The following ABCA4 variants were observed in gnomAD, a reference collection of about 807,000 sequenced individuals.
The protein encoded by ABCA4 is retinal-specific phospholipid-transporting ATPase ABCA4.
ABCA4 carries 196 observed loss-of-function variants against 263.7 expected under a neutral mutation model. That is an observed-to-expected ratio of 0.74 (90% CI 0.66 to 0.84). The LOEUF is 0.84. Among genes scored for constraint, ABCA4 ranks in the 40% least tolerant of loss-of-function variants. ABCA4 has a pLI of 0.00. For synonymous variants in ABCA4, 1,133 were observed against 1,094.2 expected (o/e 1.04, Z -0.70); for missense variants, 2,792 against 2,855.1 (o/e 0.98, Z 0.50).
chr1:94,096,560 T>C, intron 6 of ABCA4, among the ~76,000 whole-genome samples: 1 of 152,062 alleles, frequency 6.6e-6, no homozygotes, highest in East Asian at 1.9e-4. Flanking sequence ...CAGGTCAAGG[T>C]AGCCCAGGGT....
intron 19 of ABCA4, among the ~76,000 whole-genome samples, chr1:94,044,990 G>A (rs903919878): frequency 8.5e-5 from 13 of 152,208 alleles, no homozygotes; most frequent in African/African-American, 2.7e-4. Flanking sequence ...CCAGGCCAAC[G>A]CCGAGGGCCT....
At chr1:94,055,064 G>T in intron 16 of ABCA4, 47 bp downstream of exon 16, 2 of 1,524,254 alleles carry the variant, frequency 1.3e-6, no homozygotes, top group Non-Finnish European at 1.8e-6. Flanking sequence ...GAGGGCTGGG[G>T]ATCTGAAGAA....
In ABCA4 at chr1:94,021,375, A is replaced by G. The variant is rs1557768562; in HGVS notation, c.4883T>C (p.Val1628Ala). 6.2e-7 allele frequency: 1 copy of G among 1,614,214 alleles called. No homozygotes were observed. Among genetic ancestry groups the G allele is most frequent in the Non-Finnish European group, 8.5e-7 (1 of 1,180,048 alleles). The change falls in exon 35 of 50, where the codon GTC (valine) becomes GCC (alanine). Residue 1628 changes from valine (V) to alanine (A), a missense_variant. By Grantham distance (64) the Val-to-Ala change is moderately conservative. Transcript: ENST00000370225. ...WFNNKGWHAL[V>A]SFLNVAHNAI... ...GTTGTGGGCCACATTGAGAAAGCTGACCAGGGCATGCCAGCCTTTGTTATT... is the reference window on the plus strand; with the variant it reads ...GTTGTGGGCCACATTGAGAAAGCTGGCCAGGGCATGCCAGCCTTTGTTATT...
In ABCA4 at chr1:94,030,445, C is replaced by T. The variant is rs1251812796; in HGVS notation, c.4335G>A (p.Leu1445=). ...GCACTTACGGAAGCCACCCTTCCTT[C>T]AGGCAGCGGTTGCCAAAGCCTGGCT... is the stretch of plus-strand genomic sequence containing the variant. The part of the protein sequence containing the change: ...LNKPGFGNRC[L]KEGWLPEYPC... The change falls in exon 29 of 50, where the codon CTG becomes CTA. Residue 1445 remains leucine, a synonymous_variant. Transcript: ENST00000370225. The T allele has an allele frequency of 3.1e-6, 5 of 1,614,122 alleles. No individual in the cohort carries two copies. The South Asian group carries it at 4.4e-5, about 14-fold the overall frequency.
rs1176230117 is a variant in ABCA4, at chr1:94,015,721, A to G, written c.5312+18T>C. The G allele has an allele frequency of 2.5e-6, 4 of 1,602,386 alleles. No individual in the cohort carries two copies. Among genetic ancestry groups the G allele is most frequent in the Non-Finnish European group, 3.4e-6 (4 of 1,170,062 alleles). ...GGCTTCTCTTCAGAGGCATTAGCTA[A>G]TGGCCCAAACGGCTTACCCATACAG... On this transcript the variant is annotated intron_variant, in intron 37 of 49. Coordinates refer to ENST00000370225, the MANE Select transcript of ABCA4 (RefSeq NM_000350.3).
intron 1 of ABCA4, among the ~76,000 whole-genome samples, chr1:94,119,639 T>C (rs1179369313): frequency 6.6e-6 from 1 of 152,144 alleles, no homozygotes; most frequent in Non-Finnish European, 1.5e-5. Context: ...GTCTTAATAA[T>C]TCCTGTCTCT....
rs61749438 is a variant in ABCA4 at position 94,055,133 on chromosome 1, C to A, written c.2565G>T (p.Trp855Cys). The A allele has an allele frequency of 6.2e-7, 1 of 1,614,078 alleles. No homozygotes were observed. Among genetic ancestry groups the A allele is most frequent in the South Asian group, 1.1e-5 (1 of 91,070 alleles). The change falls in exon 16 of 50, where the codon TGG becomes TGT. Residue 855 changes from tryptophan to cysteine, a missense_variant. Trp to Cys is a radical substitution (Grantham distance 215). Transcript: ENST00000370225. ...LDAAVYGLLA[W>C]YLDQVFPGDY... is the part of the protein sequence containing the mutation. ...TACCTGGAAACACCTGATCAAGGTA[C>A]CAAGCGAGTAAGCCATAGACAGCAG...
chr1:94,036,683 G>A, intron 26 of ABCA4, 57 bp downstream of exon 26: 1 of 1,576,018 alleles, frequency 6.3e-7, no homozygotes, highest in Non-Finnish European at 8.7e-7. Context: ...AGACTTTCGA[G>A]ATGGAACTTG....
intron 45 of ABCA4, 123 bp from the exon 46 acceptor site, chr1:94,001,228 T>A (rs540481757): frequency 1.2e-4 from 93 of 752,568 alleles, no homozygotes; most frequent in African/African-American, 9.1e-4. Context: ...GTCACTCCCC[T>A]CACTTGAGCA....
At chr1:94,114,622 G>A (rs1302860125) in intron 1 of ABCA4, among the ~76,000 whole-genome samples, 1 of 152,150 alleles carries the variant, frequency 6.6e-6, no homozygotes, top group Non-Finnish European at 1.5e-5. Flanking sequence ...GAGTAGCTGG[G>A]ACTGCAGGTG....
intron 11 of ABCA4, among the ~76,000 whole-genome samples, chr1:94,074,973 A>C (rs1320991631): frequency 2.0e-5 from 3 of 152,242 alleles, no homozygotes; most frequent in Non-Finnish European, 2.9e-5. Context: ...ATAGAATACT[A>C]TGCAGCCATA....
intron 47 of ABCA4, among the ~76,000 whole-genome samples, chr1:93,998,695 TTTTA>T (rs1659081391): frequency 6.7e-6 from 1 of 149,520 alleles, no homozygotes; most frequent in Non-Finnish European, 1.5e-5. Flanking sequence ...TCAAAGGTAG[TTTTA>T]TTTATTTTAT....
intron 38 of ABCA4, among the ~76,000 whole-genome samples, chr1:94,014,273 A>ACCTT (rs1234222297): frequency 2.8e-4 from 42 of 148,722 alleles, no homozygotes; most frequent in African/African-American, 9.6e-4. Context: ...GAGGAAGGGA[A>ACCTT]GGAGGGACGA....
intron 27 of ABCA4, 131 bp from the exon 28 acceptor site, chr1:94,031,251 G>A (rs1660194091): frequency 3.3e-6 from 4 of 1,228,918 alleles, no homozygotes; most frequent in Non-Finnish European, 4.7e-6. Flanking sequence ...GGAGAGGGTT[G>A]GGCTTCTGGG....
Position 94,042,798 on chromosome 1 carries a change from T to A in ABCA4, c.3291A>T (p.Arg1097Ser), listed in dbSNP as rs61750118. The A allele has an allele frequency of 1.9e-6, 3 of 1,614,156 alleles. No individual in the cohort carries two copies. The highest frequency in any genetic ancestry group is 1.7e-6 in the Non-Finnish European group (2 of 1,180,034). The change falls in exon 22 of 50, where the codon AGA (arginine) becomes AGT (serine). Residue 1097 changes from arginine to serine, a missense_variant. By Grantham distance (110) the Arg-to-Ser change is moderately radical (BLOSUM62 -1). Transcript: ENST00000370225. ...TCAGGAGCAGATCCCAGATTGAGCG[T>A]CTCGAGTAAGGGTCCACCCCAGAGG... is the stretch of plus-strand genomic sequence containing the variant. ...EPTSGVDPYSRRSIWDLLLKY... is the reference protein window; with the variant it reads ...EPTSGVDPYSSRSIWDLLLKY...
chr1:94,015,914 A>C (rs1017423143), intron 36 of ABCA4, 60 bp from the exon 37 acceptor site: 5 of 1,440,968 alleles, frequency 3.5e-6, no homozygotes, highest in Non-Finnish European at 4.8e-6. Flanking sequence ...CCAGCTCTGC[A>C]AAATGAGGGG....
At chr1:93,995,781 C>T (rs1658982095) in intron 49 of ABCA4, among the ~76,000 whole-genome samples, 1 of 152,220 alleles carries the variant, frequency 6.6e-6, no homozygotes, top group African/African-American at 2.4e-5. Context: ...CTCCTTATTC[C>T]CCAAATCCAA....
intron 38 of ABCA4, among the ~76,000 whole-genome samples, chr1:94,011,620 A>G (rs1659549766): frequency 6.6e-6 from 1 of 152,254 alleles, no homozygotes; most frequent in South Asian, 2.1e-4. Context: ...GAGCTAATCA[A>G]TTAAATGACC....
rs552937045 is a variant in ABCA4 at position 94,044,455 on chromosome 1, A to C, written c.3050+158T>G. On this transcript the variant is annotated intron_variant, in intron 20 of 49. Transcript: ENST00000370225. ...ATTCTCAGGGACAATTCTCACTGCA[A>C]GTAGGACAAAGGACTTTAAACATAG... 3.3e-5 allele frequency among the ~76,000 whole-genome samples: 5 copies of C among 152,296 alleles called. No individual in the cohort carries two copies. In the East Asian group the frequency reaches 5.8e-4, roughly 18 times the overall value.
Sources: gnomAD v4.1 joint callset for allele counts (sites outside exome capture counted in the v4.1 genomes callset) on GRCh38, gnomAD v4.1.1 for gene constraint, MANE v1.5 for transcripts, NCBI Gene and HGNC (gene_info 2026-07-23, HGNC 2026-07-21) for gene names.